CLPB: variants seen among roughly 807,000 people sequenced by gnomAD.
The protein encoded by CLPB is mitochondrial disaggregase.
A neutral mutation model predicts 78.4 loss-of-function variants in CLPB; 40 were observed. That is an observed-to-expected ratio of 0.51 (90% CI 0.40 to 0.66). The LOEUF (loss-of-function observed/expected upper bound fraction) is 0.66. Among genes scored for constraint, CLPB ranks in the 30% least tolerant of loss-of-function variants. The pLI, the probability that CLPB is intolerant of heterozygous loss-of-function variation, is 0.00. For missense variants in CLPB, 780 were observed against 886.9 expected (o/e 0.88, Z 1.53); for synonymous variants, 333 against 348.0 (o/e 0.96, Z 0.48).
At chr11:72,379,642 A>G (rs1854839847) in intron 4 of CLPB, among the ~76,000 whole-genome samples, 1 of 152,170 alleles carries the variant, frequency 6.6e-6, no homozygotes, top group Non-Finnish European at 1.5e-5. Context: ...AACATCCCAG[A>G]CATCCCAGAG....
At chr11:72,357,861 C>A (rs1378976810) in intron 5 of CLPB, among the ~76,000 whole-genome samples, 3 of 152,106 alleles carry the variant, frequency 2.0e-5, no homozygotes, top group African/African-American at 7.2e-5. Flanking sequence ...CTTTGAGGAC[C>A]TTTCCAGTGC....
chr11:72,359,210 C>T lies in CLPB; in HGVS notation c.647-202G>A, dbSNP rs578064593. The stretch of plus-strand genomic sequence containing the variant: ...CAGTTAGTTCCACAATGTTTACTGA[C>T]ATCTGTTATGTGTTAGGATTCATCC... On this transcript the variant is annotated intron_variant, in intron 4 of 15. Coordinates refer to ENST00000538039, the MANE Select transcript of CLPB (RefSeq NM_001258392.3). 6.6e-5 allele frequency: 48 copies of T among 727,234 alleles called. No individual in the cohort carries two copies. The East Asian group carries it at 8.8e-4, about 13-fold the overall frequency. 45.0% of individuals were successfully genotyped at this position (727,234 alleles called of 1,614,324 possible).
intron 5 of CLPB, among the ~76,000 whole-genome samples, chr11:72,342,158 G>A (rs758607821): frequency 7.9e-5 from 12 of 152,152 alleles, no homozygotes; most frequent in Non-Finnish European, 1.5e-4. Context: ...GGATTTGGAC[G>A]CATTGAGGAT....
intron 2 of CLPB, among the ~76,000 whole-genome samples, chr11:72,409,233 G>A (rs1051487000): frequency 9.2e-5 from 14 of 152,128 alleles, no homozygotes; most frequent in African/African-American, 1.4e-4. Flanking sequence ...GCAGCAGTAG[G>A]TGACCCCTAT....
At chr11:72,400,543 T>C (rs888539352) in intron 3 of CLPB, among the ~76,000 whole-genome samples, 1 of 152,230 alleles carries the variant, frequency 6.6e-6, no homozygotes, top group Non-Finnish European at 1.5e-5. Context: ...TGTTGTTTCC[T>C]ATTCAGTCTC....
intron 2 of CLPB, chr11:72,408,247 G>A (rs1463286453): frequency 7.3e-7 from 1 of 1,361,678 alleles, no homozygotes; most frequent in Admixed American, 2.0e-5. Context: ...GGAGTCCAAA[G>A]GCTGGAGTTC....
Position 72,317,204 on chromosome 11 carries a change from C to T in CLPB, c.890G>A (p.Arg297Gln), listed in dbSNP as rs762784246. The change falls in exon 7 of 16, where the codon CGG (arginine) becomes CAG (glutamine). Residue 297 changes from arginine to glutamine, a missense_variant. Around this residue, in one of 3 missense-constraint regions of CLPB, gnomAD observed 417 missense variants for 414.7 expected, o/e 1.01. Coordinates refer to ENST00000538039, the MANE Select transcript of CLPB (RefSeq NM_001258392.3). Reference protein sequence around the residue: ...TSEAKYQEKQRKREAEERRRF... With the variant: ...TSEAKYQEKQQKREAEERRRF... ...GCGCCGCTCCTCAGCCTCACGCTTC[C>T]GCTGCTTCTCTTGGTACTGTGGGGA... 8.7e-6 allele frequency: 14 copies of T among 1,610,634 alleles called. No homozygotes were observed. Among genetic ancestry groups the T allele is most frequent in the Middle Eastern group, 1.6e-4 (1 of 6,072 alleles).
At chr11:72,417,429 G>T (rs1021906609) in intron 2 of CLPB, among the ~76,000 whole-genome samples, 1 of 152,144 alleles carries the variant, frequency 6.6e-6, no homozygotes, top group Non-Finnish European at 1.5e-5. Flanking sequence ...CAACATCTAG[G>T]GGGAGAGGAG....
At chr11:72,390,453 G>GAAAAAAAAAAAAAGAAAAAA (rs1565480278) in intron 3 of CLPB, among the ~76,000 whole-genome samples, 6 of 69,122 alleles carry the variant, frequency 8.7e-5, no homozygotes, top group Non-Finnish European at 9.4e-5. Context: ...AAACGAAATA[G>GAAAAAAAAAAAAAGAAAAAA]AAAAAAAAAA....
chr11:72,409,441 G>T (rs979992887), intron 2 of CLPB, among the ~76,000 whole-genome samples: 1 of 151,970 alleles, frequency 6.6e-6, no homozygotes, highest in Admixed American at 6.6e-5. Context: ...AAAATTAGCC[G>T]GGCGTGGTGT....
intron 5 of CLPB, chr11:72,336,948 C>T (rs1486507523): frequency 2.5e-6 from 1 of 396,490 alleles, no homozygotes; most frequent in African/African-American, 2.1e-5. Flanking sequence ...CAGTTCTCTC[C>T]TCCTCCAGTG....
chr11:72,302,412 G>A, intron 9 of CLPB, 64 bp from the exon 10 acceptor site: 1 of 1,426,214 alleles, frequency 7.0e-7, no homozygotes, highest in Non-Finnish European at 9.9e-7. Flanking sequence ...AAGGGTTAGG[G>A]AGGAGAGCAC....
chr11:72,392,967 A>G (rs1378423264), intron 3 of CLPB, among the ~76,000 whole-genome samples: 1 of 152,224 alleles, frequency 6.6e-6, no homozygotes, highest in East Asian at 1.9e-4. Context: ...GTTAAAGCAA[A>G]GCAGGTCATA....
intron 3 of CLPB, among the ~76,000 whole-genome samples, chr11:72,396,643 A>G (rs1486842304): frequency 2.0e-5 from 3 of 152,348 alleles, no homozygotes; most frequent in Admixed American, 2.0e-4. Context: ...CACTACTCAT[A>G]AAGTGAATTT....
chr11:72,316,789 T>C (rs1365163481), intron 7 of CLPB, among the ~76,000 whole-genome samples: 1 of 152,064 alleles, frequency 6.6e-6, no homozygotes, highest in Non-Finnish European at 1.5e-5. Flanking sequence ...AAAATGGAGT[T>C]GAGGGTAGCG....
At chr11:72,365,664 C>A (rs944889657) in intron 4 of CLPB, among the ~76,000 whole-genome samples, 1 of 152,196 alleles carries the variant, frequency 6.6e-6, no homozygotes, top group African/African-American at 2.4e-5. Context: ...AACTATACTA[C>A]AAGGCTATAG....
chr11:72,392,113 G>T (rs1338238560), intron 3 of CLPB, among the ~76,000 whole-genome samples: 1 of 151,980 alleles, frequency 6.6e-6, no homozygotes, highest in Non-Finnish European at 1.5e-5. Flanking sequence ...AGTTGGTGAA[G>T]CAAGAAGGGC....
chr11:72,291,657 T>C lies in CLPB; in HGVS notation c.*1710A>G, dbSNP rs946062322. On this transcript the variant is annotated 3_prime_UTR_variant, in exon 16 of 16. Coordinates refer to ENST00000538039, the MANE Select transcript of CLPB (RefSeq NM_001258392.3). Reference sequence around the variant, plus strand: ...GTATGGCTTTGTAGGATGTAATCATTGGGAGATGCTAGATGAAAGATACAT... The same window carrying C: ...GTATGGCTTTGTAGGATGTAATCATCGGGAGATGCTAGATGAAAGATACAT... 32 of 152,194 alleles carry C rather than the reference T, an allele frequency of 2.1e-4. No homozygotes were observed. Among genetic ancestry groups the C allele is most frequent in the African/African-American group, 7.7e-4 (32 of 41,530 alleles). 9.4% of individuals were successfully genotyped at this position (152,194 alleles called of 1,614,324 possible).
chr11:72,372,924 C>A, intron 4 of CLPB: 1 of 1,613,448 alleles, frequency 6.2e-7, no homozygotes, highest in Non-Finnish European at 8.5e-7. Flanking sequence ...AGTTCCATTA[C>A]CGCCAGCGGG....
Sources: gnomAD v4.1 joint callset for allele counts (sites outside exome capture counted in the v4.1 genomes callset) on GRCh38, gnomAD v4.1.1 for gene constraint, gnomAD v4.1.1 regional missense constraint, MANE v1.5 for transcripts, NCBI Gene and HGNC (gene_info 2026-07-23, HGNC 2026-07-21) for gene names.